MAD1L1: variants seen among roughly 807,000 people sequenced by gnomAD.
The protein encoded by MAD1L1 is mitotic arrest deficient 1 like 1.
In MAD1L1, 95 loss-of-function variants were observed where a neutral mutation model predicts 96.9. The observed-to-expected ratio is 0.98, with a 90% CI of 0.83 to 1.16. MAD1L1 has a LOEUF of 1.16. Among genes scored for constraint, MAD1L1 ranks in the 50% most tolerant of loss-of-function variants. The pLI is 0.00. For synonymous variants in MAD1L1, 473 were observed against 396.6 expected, an observed-to-expected ratio of 1.19 and a Z score of -2.29; for missense variants, 1,007 against 954.4, an observed-to-expected ratio of 1.06 and a Z score of -0.73.
chr7:1,983,026 C>T (rs1780976527), intron 14 of MAD1L1, among the ~76,000 whole-genome samples: 1 of 152,180 alleles, frequency 6.6e-6, no homozygotes, highest in Non-Finnish European at 1.5e-5. Context: ...TGATGTATTT[C>T]AACCTGCTGT....
In MAD1L1 at chr7:1,968,420, G is replaced by A. The variant is rs1427294017; in HGVS notation, c.1506-10701C>T. On this transcript the variant is annotated intron_variant, in intron 15 of 18. Transcript: ENST00000265854. The surrounding 1 kb of genome is among the most constrained non-coding windows in gnomAD (Gnocchi z 5.6). ...AGGTCCACTGTCCATGCCTCAGTCC[G>A]GCGATCAGGTCCACCGTCAACGCCA... 2.7e-5 allele frequency among the ~76,000 whole-genome samples: 4 copies of A among 148,982 alleles called. No homozygotes were observed. The highest frequency in any genetic ancestry group is 1.0e-4 in the African/African-American group (4 of 39,960).
chr7:1,966,941 G>A (rs182039915), intron 15 of MAD1L1, among the ~76,000 whole-genome samples: 1 of 152,384 alleles, frequency 6.6e-6, no homozygotes, highest in East Asian at 1.9e-4. Context: ...AGGAGAGGCT[G>A]CCGGAAATCC....
chr7:2,202,600 A>G (rs1163049052), intron 10 of MAD1L1, among the ~76,000 whole-genome samples: 3 of 152,214 alleles, frequency 2.0e-5, no homozygotes, highest in Admixed American at 6.5e-5. Flanking sequence ...ACAAGTAGCC[A>G]GAAGGCCAAA....
At chr7:1,900,927 G>GC in intron 17 of MAD1L1, among the ~76,000 whole-genome samples, 1 of 152,252 alleles carries the variant, frequency 6.6e-6, no homozygotes, top group African/African-American at 2.4e-5. Flanking sequence ...AGTGTGTGGG[G>GC]CCCCCTCTCA....
chr7:1,839,404 G>C (rs1783119749), intron 18 of MAD1L1, among the ~76,000 whole-genome samples: 1 of 151,042 alleles, frequency 6.6e-6, no homozygotes, highest in Non-Finnish European at 1.5e-5. Flanking sequence ...TGCCCACCCG[G>C]TGCCATGGCC....
chr7:1,843,723 G>C (rs555154981), intron 18 of MAD1L1, among the ~76,000 whole-genome samples: 1 of 152,330 alleles, frequency 6.6e-6, no homozygotes, highest in South Asian at 2.1e-4. Context: ...CTTTGTCCCA[G>C]CTCCGTCTTC....
At chr7:2,220,763 G>A (rs1034881331) in intron 5 of MAD1L1, 50 of 1,091,512 alleles carry the variant, frequency 4.6e-5, no homozygotes, top group Non-Finnish European at 5.9e-5. Context: ...CAATATGTAC[G>A]GTTTACTTCA....
At chr7:2,144,060 G>A (rs941755324) in intron 11 of MAD1L1, among the ~76,000 whole-genome samples, 3 of 152,324 alleles carry the variant, frequency 2.0e-5, no homozygotes, top group African/African-American at 4.8e-5. Flanking sequence ...GCCACACAAC[G>A]TGTCCCACAG....
Position 1,968,669 on chromosome 7 carries a change from C to T in MAD1L1, c.1506-10950G>A, listed in dbSNP as rs1780278757. Among the ~76,000 whole-genome samples, 2 of 152,244 alleles carry T rather than the reference C, an allele frequency of 1.3e-5. No individual in the cohort carries two copies. Among genetic ancestry groups the T allele is most frequent in the African/African-American group, 4.8e-5 (2 of 41,466 alleles). On this transcript the variant is annotated intron_variant, in intron 15 of 18. Transcript: ENST00000265854. This position sits in a 1 kb window ranked among gnomAD's most constrained non-coding sequence, Gnocchi z 5.6. ...CCTGCTGTTGCGTGGATGTCAGGGG[C>T]TCCCTGATGGGACGTGGTGAGAAAG...
intron 5 of MAD1L1, among the ~76,000 whole-genome samples, chr7:2,221,748 C>A (rs1358602507): frequency 6.6e-6 from 1 of 152,212 alleles, no homozygotes; most frequent in East Asian, 1.9e-4. Flanking sequence ...CAAAGATATG[C>A]AAATCCAGAC....
intron 17 of MAD1L1, among the ~76,000 whole-genome samples, chr7:1,914,307 T>C (rs765540790): frequency 6.6e-6 from 1 of 152,196 alleles, no homozygotes; most frequent in Non-Finnish European, 1.5e-5. Flanking sequence ...TCTGCAGATG[T>C]GTCCGGGGCA....
intron 11 of MAD1L1, among the ~76,000 whole-genome samples, chr7:2,130,671 C>T (rs1213346836): frequency 3.3e-5 from 5 of 152,224 alleles, no homozygotes; most frequent in African/African-American, 4.8e-5. Flanking sequence ...AAGCTGGGAG[C>T]GTGTCCGCGA....
chr7:2,096,127 A>G (rs1257126853), intron 11 of MAD1L1, among the ~76,000 whole-genome samples: 1 of 152,238 alleles, frequency 6.6e-6, no homozygotes, highest in Non-Finnish European at 1.5e-5. Context: ...CCATCAGAGC[A>G]CACGACGCCA....
chr7:2,127,887 A>T (rs1051356764), intron 11 of MAD1L1, among the ~76,000 whole-genome samples: 1 of 152,190 alleles, frequency 6.6e-6, no homozygotes, highest in Non-Finnish European at 1.5e-5. Context: ...CAATGGCCCC[A>T]GAGCCGGTCT....
In MAD1L1 at chr7:1,817,925, C is replaced by T. The variant is rs192796550; in HGVS notation, c.1999-1697G>A. ...TTTGGAGCACGTGCTGCCCCAGAGG[C>T]CCTGCGACCTGACCTGTTCCTGCAC... On this transcript the variant is annotated intron_variant, in intron 18 of 18. Transcript: ENST00000265854. 2.6e-5 allele frequency among the ~76,000 whole-genome samples: 4 copies of T among 152,072 alleles called. No individual in the cohort carries two copies. The South Asian group carries it at 8.3e-4, about 32-fold the overall frequency.
chr7:2,000,860 G>A (rs560486524), intron 14 of MAD1L1, among the ~76,000 whole-genome samples: 27 of 152,352 alleles, frequency 1.8e-4, no homozygotes, highest in African/African-American at 5.5e-4. Context: ...CCCGCGCGGT[G>A]CCCTGCTGTT....
chr7:2,146,739 T>G lies in MAD1L1; in HGVS notation c.1073+2413A>C, dbSNP rs2128578601. 6.6e-6 allele frequency among the ~76,000 whole-genome samples: 1 copy of G among 152,366 alleles called. No individual in the cohort carries two copies. The highest frequency in any genetic ancestry group is 1.9e-4 in the East Asian group (1 of 5,194). Reference sequence around the variant, plus strand: ...ATCTGGGCCACCGTGGCCTCCCATCTTCTGCCATGCCGCCTCCTTCACGCT... The same window carrying G: ...ATCTGGGCCACCGTGGCCTCCCATCGTCTGCCATGCCGCCTCCTTCACGCT... On this transcript the variant is annotated intron_variant, in intron 11 of 18. Coordinates refer to ENST00000265854, the MANE Select transcript of MAD1L1 (RefSeq NM_001013836.2). This position sits in a 1 kb window ranked among gnomAD's most constrained non-coding sequence, Gnocchi z 6.2.
rs1319190165 is a variant in MAD1L1 at position 2,096,892 on chromosome 7, C to T, written c.1074-27554G>A. Among the ~76,000 whole-genome samples the T allele has an allele frequency of 7.9e-5, 12 of 152,166 alleles. 1 individual carries two copies. The highest frequency in any genetic ancestry group is 1.5e-5 in the Non-Finnish European group (1 of 68,018). ...TGGGCCCCACCCTCATAGCCGGTGACCCCCGGCCAGCAGGTCTGCCACTGT... is the reference window on the plus strand; with the variant it reads ...TGGGCCCCACCCTCATAGCCGGTGATCCCCGGCCAGCAGGTCTGCCACTGT... On this transcript the variant is annotated intron_variant, in intron 11 of 18. Coordinates refer to ENST00000265854, the MANE Select transcript of MAD1L1 (RefSeq NM_001013836.2).
rs1361089961 is a variant in MAD1L1 at position 1,827,585 on chromosome 7, C to T, written c.1999-11357G>A. On this transcript the variant is annotated intron_variant, in intron 18 of 18. Transcript: ENST00000265854. ...CCCGTCCCGGGTGTGGCATCCTCCC[C>T]TCCTGAGCCCGTCCCGGGTGTGGGG... 3.3e-4 allele frequency among the ~76,000 whole-genome samples: 38 copies of T among 113,694 alleles called. 5 individuals carry two copies. The highest frequency in any genetic ancestry group is 1.2e-3 in the African/African-American group (35 of 28,018). The allele number at this position is 113,694 out of a possible 152,430, so 74.6% of individuals were successfully genotyped here.
Sources: allele counts gnomAD v4.1 joint callset (sites outside exome capture counted in the v4.1 genomes callset), GRCh38; gene constraint gnomAD v4.1.1; non-coding constraint Gnocchi (gnomAD v3.1); transcripts MANE v1.5; gene names NCBI Gene and HGNC (gene_info 2026-07-23, HGNC 2026-07-21).